The following CLEC16A variants were observed in gnomAD, a reference collection of about 807,000 sequenced individuals.
CLEC16A encodes C-type lectin domain containing 16A.
Under a neutral mutation model 109.5 loss-of-function variants are expected in CLEC16A, and 51 were observed. That is an observed-to-expected ratio of 0.47 (90% CI 0.37 to 0.59). The LOEUF is 0.59. CLEC16A is among the 20% of genes least tolerant of loss of function. CLEC16A has a pLI of 0.00. For missense variants in CLEC16A, 1,339 were observed against 1,394.0 expected (o/e 0.96, Z 0.63); for synonymous variants, 673 against 564.2 (o/e 1.19, Z -2.73).
At position 10,977,238 on chromosome 16, in the gene CLEC16A, G is replaced by A. The variant is rs1369436962; in HGVS notation, c.742G>A (p.Gly248Ser). ...TTCTCCTGGCAGGCATCGGAATCGG[G>A]GTAAACTGAGTGATCTGGTGGCAGA... ...VQTDEEHRNR[G>S]KLSDLVAEHL... The change falls in exon 8 of 24, where the codon GGT becomes AGT. Residue 248 changes from glycine to serine, a missense_variant. Transcript: ENST00000409790. 6.2e-7 allele frequency: 1 copy of A among 1,613,810 alleles called. No homozygotes were observed. Among genetic ancestry groups the A allele is most frequent in the East Asian group, 2.2e-5 (1 of 44,880 alleles).
chr16:11,127,831 T>C (rs1269140676), intron 22 of CLEC16A, among the ~76,000 whole-genome samples: 3 of 152,102 alleles, frequency 2.0e-5, no homozygotes, highest in Non-Finnish European at 4.4e-5. Flanking sequence ...GATTGTACCA[T>C]TGCCCTCCAG....
chr16:11,167,578 C>T (rs988770832), intron 23 of CLEC16A, among the ~76,000 whole-genome samples: 19 of 152,194 alleles, frequency 1.2e-4, no homozygotes, highest in Non-Finnish European at 4.4e-5. Flanking sequence ...CTCTCTTGGG[C>T]ACTTCCAGCT....
chr16:11,123,932 T>A lies in CLEC16A; in HGVS notation c.2459T>A (p.Met820Lys). ...CGCATCCAGGCAAGGCGCATGAAGA[T>A]GCAGAGAATAGCTGGTGAGTGGCTG... is the stretch of plus-strand genomic sequence containing the variant. Reference protein sequence around the residue: ...KGRIQARRMKMQRIAALLDLP... With the variant: ...KGRIQARRMKKQRIAALLDLP... Residue 820 changes from methionine to lysine, a missense_variant, in exon 21 of 24, where the codon ATG becomes AAG. Physicochemically the swap from Met to Lys is moderately conservative, Grantham distance 95. This residue lies in a region of CLEC16A where 1,061 missense variants were observed against 1,006.8 expected (regional missense o/e 1.05). Transcript: ENST00000409790. 6.2e-7 allele frequency: 1 copy of A among 1,610,476 alleles called. No homozygotes were observed. Among genetic ancestry groups the A allele is most frequent in the East Asian group, 2.2e-5 (1 of 44,726 alleles).
intron 19 of CLEC16A, among the ~76,000 whole-genome samples, chr16:11,111,421 T>G (rs2051577389): frequency 6.6e-6 from 1 of 152,204 alleles, no homozygotes. Context: ...AAGAGCATTT[T>G]TATGACTTTG....
chr16:11,004,735 A>G (rs1038026901), intron 11 of CLEC16A, among the ~76,000 whole-genome samples: 3 of 152,024 alleles, frequency 2.0e-5, no homozygotes, highest in African/African-American at 7.2e-5. Context: ...TCACATTTCA[A>G]CAAGCGTAAC....
chr16:11,019,060 C>T (rs573256493), intron 11 of CLEC16A, among the ~76,000 whole-genome samples: 1 of 152,252 alleles, frequency 6.6e-6, no homozygotes, highest in South Asian at 2.1e-4. Context: ...ATGGCAGAGG[C>T]GGTGTCTGAG....
chr16:11,151,542 T>C (rs42469), intron 22 of CLEC16A, among the ~76,000 whole-genome samples: 106,716 of 152,216 alleles, frequency 0.7, 38,801 homozygotes, highest in African/African-American at 0.89. Context: ...AGAGAGTCTA[T>C]GGGTTAATAG....
chr16:11,148,297 T>C (rs2054151959), intron 22 of CLEC16A, among the ~76,000 whole-genome samples: 1 of 152,310 alleles, frequency 6.6e-6, no homozygotes, highest in East Asian at 1.9e-4. Flanking sequence ...CTTTTAAAAA[T>C]GTCATCTCAA....
intron 10 of CLEC16A, among the ~76,000 whole-genome samples, chr16:10,989,064 G>A (rs1018333618): frequency 2.0e-5 from 3 of 152,174 alleles, no homozygotes; most frequent in Non-Finnish European, 2.9e-5. Flanking sequence ...AGAAGTGTTA[G>A]TAATAACAGT....
At chr16:10,983,072 A>ATGTT in intron 10 of CLEC16A, 81 bp downstream of exon 10, 1 of 796,842 alleles carries the variant, frequency 1.3e-6, no homozygotes, top group Non-Finnish European at 2.1e-6. Flanking sequence ...TAAAATCAGA[A>ATGTT]ACTAACATTC....
chr16:10,971,148 C>A lies in CLEC16A; in HGVS notation c.516C>A (p.Tyr172Ter). The A allele has an allele frequency of 1.2e-6, 2 of 1,613,056 alleles. No individual in the cohort carries two copies. The highest frequency in any genetic ancestry group is 1.7e-6 in the Non-Finnish European group (2 of 1,179,280). Residue 172 changes from tyrosine (Y) to a stop codon, truncating the protein, a stop_gained, in exon 5 of 24, where the codon TAC becomes TAA. Transcript: ENST00000409790. LOFTEE classifies it high-confidence loss of function. ...AGCACACCAATGACTTTGCCCTGTACACAGAAGCCATCAAGTTTTTCAACC... is the reference window on the plus strand; with the variant it reads ...AGCACACCAATGACTTTGCCCTGTAAACAGAAGCCATCAAGTTTTTCAACC... ...YNEHTNDFALYTEAIKFFNHP... is the reference protein window; with the variant it reads ...YNEHTNDFAL
intron 20 of CLEC16A, among the ~76,000 whole-genome samples, chr16:11,121,279 A>G: frequency 6.6e-6 from 1 of 152,202 alleles, no homozygotes; most frequent in South Asian, 2.1e-4. Flanking sequence ...TACTTAACCC[A>G]TGCCGTGTCG....
intron 22 of CLEC16A, among the ~76,000 whole-genome samples, chr16:11,160,985 A>T (rs978734860): frequency 2.3e-4 from 35 of 152,346 alleles, no homozygotes; most frequent in African/African-American, 8.2e-4. Context: ...CAACTTAGTC[A>T]CTTGGCCACG....
At chr16:11,029,804 G>A (rs1353867757) in intron 13 of CLEC16A, among the ~76,000 whole-genome samples, 2 of 152,144 alleles carry the variant, frequency 1.3e-5, no homozygotes, top group Non-Finnish European at 2.9e-5. Context: ...TTTGACATAT[G>A]TAAATACCCG....
intron 10 of CLEC16A, among the ~76,000 whole-genome samples, chr16:11,001,651 A>G (rs925534632): frequency 6.6e-6 from 1 of 152,106 alleles, no homozygotes; most frequent in Non-Finnish European, 1.5e-5. Context: ...AGCATGAACC[A>G]CAGTTGACAC....
intron 13 of CLEC16A, among the ~76,000 whole-genome samples, chr16:11,030,826 G>A (rs1279111588): frequency 6.6e-6 from 1 of 152,108 alleles, no homozygotes; most frequent in Non-Finnish European, 1.5e-5. Context: ...TGTATTTTTA[G>A]TAGTGACAGG....
In CLEC16A at chr16:11,174,410, T is replaced by C. The variant is rs1426391618; in HGVS notation, c.2807-3925T>C. 1 of 353,468 alleles carries C rather than the reference T, an allele frequency of 2.8e-6. No individual in the cohort carries two copies. Among genetic ancestry groups the C allele is most frequent in the Admixed American group, 3.6e-5 (1 of 28,102 alleles). 21.9% of individuals were successfully genotyped at this position (353,468 alleles called of 1,614,324 possible). On this transcript the variant is annotated intron_variant, in intron 23 of 23. Transcript: ENST00000409790. This position sits in a 1 kb window ranked among gnomAD's most constrained non-coding sequence, Gnocchi z 4.7. ...ACAGAGCCATTTGCCAAGGCGGCAC[T>C]TCCCCATTTTCCCCCAAAGTTGGTT...
intron 19 of CLEC16A, among the ~76,000 whole-genome samples, chr16:11,106,226 A>G (rs777538079): frequency 5.9e-5 from 9 of 152,188 alleles, no homozygotes. Context: ...AACCAAGTTG[A>G]AAGAATTGTA....
In CLEC16A at chr16:11,009,067, T is replaced by C. The variant is rs548963633; in HGVS notation, c.1303+5762T>C. 6.6e-5 allele frequency among the ~76,000 whole-genome samples: 10 copies of C among 152,324 alleles called. No homozygotes were observed. The South Asian group carries it at 2.1e-3, about 32-fold the overall frequency. On this transcript the variant is annotated intron_variant, in intron 11 of 23. Transcript: ENST00000409790. Reference sequence around the variant, plus strand: ...CCATCTGTCTTCAGAATGCTTTTCATTTTTCATCTTGTAAAACCAAAACTG... The same window carrying C: ...CCATCTGTCTTCAGAATGCTTTTCACTTTTCATCTTGTAAAACCAAAACTG...
Sources: gnomAD v4.1 joint callset for allele counts (sites outside exome capture counted in the v4.1 genomes callset) on GRCh38, gnomAD v4.1.1 for gene constraint, gnomAD v4.1.1 regional missense constraint, Gnocchi (gnomAD v3.1) non-coding constraint, MANE v1.5 for transcripts, NCBI Gene and HGNC (gene_info 2026-07-23, HGNC 2026-07-21) for gene names.